The following P3H2 variants were observed in gnomAD, a reference collection of about 807,000 sequenced individuals.
P3H2 encodes the protein leprecan-like 1.
In P3H2, 80 loss-of-function variants were observed where a neutral mutation model predicts 87.0. The observed-to-expected ratio is 0.92, with a 90% CI of 0.77 to 1.11. The LOEUF (loss-of-function observed/expected upper bound fraction) is 1.11. P3H2 is among the 50% of genes least tolerant of loss of function. P3H2 has a pLI of 0.00. For synonymous variants in P3H2, 367 were observed against 359.3 expected (o/e 1.02, Z -0.24); for missense variants, 1,001 against 923.9 (o/e 1.08, Z -1.08).
intron 1 of P3H2, among the ~76,000 whole-genome samples, chr3:190,068,334 C>T (rs1003050538): frequency 6.6e-6 from 1 of 152,120 alleles, no homozygotes; most frequent in African/African-American, 2.4e-5. Flanking sequence ...TCTACCTTGT[C>T]CCATCCTCTG....
chr3:189,987,494 AAAAAG>A, intron 5 of P3H2, 28 bp downstream of exon 5: 1 of 1,602,616 alleles, frequency 6.2e-7, no homozygotes, highest in East Asian at 2.3e-5. Context: ...AAAAAAAAAA[AAAAAG>A]AATTTCTTTT....
chr3:190,059,298 T>C (rs1726262879), intron 1 of P3H2, among the ~76,000 whole-genome samples: 1 of 151,960 alleles, frequency 6.6e-6, no homozygotes, highest in East Asian at 1.9e-4. Context: ...ATGCAGACAG[T>C]AGGTGGGTCA....
intron 1 of P3H2, among the ~76,000 whole-genome samples, chr3:190,111,743 G>C (rs1712077390): frequency 6.6e-6 from 1 of 152,072 alleles, no homozygotes; most frequent in Non-Finnish European, 1.5e-5. Flanking sequence ...TTTCTTATGA[G>C]GTTTCAAAGA....
chr3:190,100,237 C>G (rs1412267190), intron 1 of P3H2, among the ~76,000 whole-genome samples: 1 of 89,204 alleles, frequency 1.1e-5, no homozygotes, highest in Non-Finnish European at 2.2e-5. Flanking sequence ...CTCCGTCCCC[C>G]GCCCCCCCCG....
Position 189,961,128 on chromosome 3 carries a change from A to G in P3H2, c.2034+2830T>C, listed in dbSNP as rs9844234. Among the ~76,000 whole-genome samples the G allele has an allele frequency of 8.5e-3, 1,292 of 152,162 alleles. 15 individuals carry two copies. The highest frequency in any genetic ancestry group is 0.03 in the African/African-American group (1,240 of 41,486). On this transcript the variant is annotated intron_variant, in intron 14 of 14. Coordinates refer to ENST00000319332, the MANE Select transcript of P3H2 (RefSeq NM_018192.4). Reference sequence around the variant, plus strand: ...GCTAATTTTTGTAATTTTAGTAGAGACGGGGTTTCGCCATGTTGGCCAGGC... The same window carrying G: ...GCTAATTTTTGTAATTTTAGTAGAGGCGGGGTTTCGCCATGTTGGCCAGGC...
chr3:190,069,674 T>C (rs1012856198), intron 1 of P3H2, among the ~76,000 whole-genome samples: 2 of 152,146 alleles, frequency 1.3e-5, no homozygotes, highest in Admixed American at 1.3e-4. Context: ...AGAGAAAATG[T>C]CCAGTTAAAT....
upstream of P3H2, chr3:190,122,186 T>C (rs1319710174): frequency 6.6e-6 from 1 of 150,696 alleles, no homozygotes; most frequent in Admixed American, 6.6e-5. Flanking sequence ...AAAGAGGCAA[T>C]TTAGTATATC....
chr3:190,114,106 G>T (rs1184113836), intron 1 of P3H2, among the ~76,000 whole-genome samples: 1 of 149,936 alleles, frequency 6.7e-6, no homozygotes, highest in Non-Finnish European at 1.5e-5. Context: ...AAATGGCCAG[G>T]AAGGAATCCC....
chr3:190,016,332 C>T (rs1357562951), intron 1 of P3H2, among the ~76,000 whole-genome samples: 1 of 147,904 alleles, frequency 6.8e-6, no homozygotes, highest in Admixed American at 6.7e-5. Context: ...CAACCTCCAC[C>T]TCCTGGGTTC....
chr3:190,026,181 T>C (rs1577280947), intron 1 of P3H2, among the ~76,000 whole-genome samples: 1 of 152,314 alleles, frequency 6.6e-6, no homozygotes, highest in African/African-American at 2.4e-5. Context: ...ATTCATCCCT[T>C]TCTTTTAGCC....
chr3:190,018,497 G>A (rs774156500), intron 1 of P3H2, among the ~76,000 whole-genome samples: 5 of 151,784 alleles, frequency 3.3e-5, no homozygotes, highest in East Asian at 3.9e-4. Context: ...TGCTTGAGGC[G>A]AGCAGTTTGA....
intron 1 of P3H2, among the ~76,000 whole-genome samples, chr3:190,006,424 G>A (rs1423627688): frequency 6.6e-6 from 1 of 152,222 alleles, no homozygotes; most frequent in African/African-American, 2.4e-5. Context: ...AAGTAGAGGT[G>A]AGTTTGTGCA....
chr3:190,065,313 G>C lies in P3H2; in HGVS notation c.480+54939C>G, dbSNP rs183651571. On this transcript the variant is annotated intron_variant, in intron 1 of 14. Transcript: ENST00000319332. ...GCTTGGCCCATAAAAACCTTCCATGGAATCCATTACCCTCCCTCCCTTTCC... is the reference window on the plus strand; with the variant it reads ...GCTTGGCCCATAAAAACCTTCCATGCAATCCATTACCCTCCCTCCCTTTCC... Among the ~76,000 whole-genome samples the C allele has an allele frequency of 3.2e-3, 482 of 152,154 alleles. 8 individuals are homozygous for C. In the South Asian group the frequency reaches 0.032, roughly 10 times the overall value.
intron 1 of P3H2, among the ~76,000 whole-genome samples, chr3:190,034,865 T>TG (rs1484702466): frequency 6.6e-6 from 1 of 151,382 alleles, no homozygotes; most frequent in Non-Finnish European, 1.5e-5. Flanking sequence ...TTTTTTTTTT[T>TG]TGAGACGGCA....
intron 3 of P3H2, 74 bp downstream of exon 3, chr3:189,994,020 G>T (rs987319583): frequency 2.7e-6 from 3 of 1,129,274 alleles, no homozygotes; most frequent in Admixed American, 1.8e-5. Context: ...TATTTTGCTG[G>T]AATAGTTTTT....
Position 190,011,045 on chromosome 3 carries a change from G to A in P3H2, c.481-15603C>T, listed in dbSNP as rs183674342. Among the ~76,000 whole-genome samples the A allele has an allele frequency of 2.7e-3, 411 of 152,234 alleles. 2 individuals carry two copies. Among genetic ancestry groups the A allele is most frequent in the South Asian group, 0.014 (68 of 4,820 alleles). On this transcript the variant is annotated intron_variant, in intron 1 of 14. Coordinates refer to ENST00000319332, the MANE Select transcript of P3H2 (RefSeq NM_018192.4). ...ATAGTTCCTTGGGAGGCCAAAGCAG[G>A]CAGATCAGGAGGTCAAGAGATTGAG...
At chr3:190,075,734 G>A (rs1249261908) in intron 1 of P3H2, among the ~76,000 whole-genome samples, 2 of 152,106 alleles carry the variant, frequency 1.3e-5, no homozygotes, top group Non-Finnish European at 2.9e-5. Flanking sequence ...CATTTGGTAT[G>A]TACTTAGGGT....
chr3:190,081,979 C>A (rs1727058489), intron 1 of P3H2, among the ~76,000 whole-genome samples: 1 of 152,174 alleles, frequency 6.6e-6, no homozygotes, highest in Non-Finnish European at 1.5e-5. Context: ...TGTGGCCGGG[C>A]ACAATGGGTC....
intron 1 of P3H2, among the ~76,000 whole-genome samples, chr3:190,052,706 T>C (rs1036231599): frequency 1.3e-5 from 2 of 152,062 alleles, no homozygotes; most frequent in African/African-American, 4.8e-5. Context: ...TATATATATA[T>C]GCATGTGTGT....
Sources: allele counts gnomAD v4.1 joint callset (sites outside exome capture counted in the v4.1 genomes callset), GRCh38; gene constraint gnomAD v4.1.1; transcripts MANE v1.5; gene names NCBI Gene and HGNC (gene_info 2026-07-23, HGNC 2026-07-21).